KCNH8: variants seen among roughly 807,000 people sequenced by gnomAD.
KCNH8 encodes the protein potassium voltage-gated channel subfamily H member 8.
KCNH8 carries 70 observed loss-of-function variants against 103.6 expected under a neutral mutation model. The observed-to-expected ratio is 0.68, with a 90% CI of 0.56 to 0.82. The LOEUF (loss-of-function observed/expected upper bound fraction) is 0.82, where lower values mean the gene tolerates loss of function less well. Among genes scored for constraint, KCNH8 ranks in the 40% least tolerant of loss-of-function variants. The probability of loss-of-function intolerance (pLI) is 0.00; values close to 1 mark genes in which losing one functional copy is unlikely to be tolerated. For synonymous variants in KCNH8, 498 were observed against 489.4 expected, an observed-to-expected ratio of 1.02 and a Z score of -0.23; for missense variants, 1,217 against 1,329.9, an observed-to-expected ratio of 0.92 and a Z score of 1.32.
chr3:19,352,861 G>C (rs1248855317), intron 5 of KCNH8, among the ~76,000 whole-genome samples: 6 of 152,088 alleles, frequency 3.9e-5, no homozygotes, highest in Non-Finnish European at 8.8e-5. Context: ...AAAGCTAGCA[G>C]ATGGCAAGAA....
chr3:19,339,467 G>A (rs2065629047), intron 3 of KCNH8, among the ~76,000 whole-genome samples: 1 of 152,058 alleles, frequency 6.6e-6, no homozygotes, highest in South Asian at 2.1e-4. Flanking sequence ...TGCTGGAGTA[G>A]TAATTACATT....
chr3:19,499,543 A>C (rs1324230428), intron 11 of KCNH8, among the ~76,000 whole-genome samples: 1 of 152,240 alleles, frequency 6.6e-6, no homozygotes, highest in Non-Finnish European at 1.5e-5. Context: ...CCAGACAGAA[A>C]GGTCGGGTTA....
chr3:19,159,185 A>C (rs1261907543), intron 1 of KCNH8, among the ~76,000 whole-genome samples: 1 of 151,846 alleles, frequency 6.6e-6, no homozygotes, highest in Non-Finnish European at 1.5e-5. Flanking sequence ...TAATGAATTC[A>C]ACAGATTTTA....
Position 19,494,251 on chromosome 3 carries a change from C to A in KCNH8, c.2041-16112C>A, listed in dbSNP as rs142527391. ...TTATCCAGTGATAGGTATCCCCACACAAATCTCGTCTTGTAGCTCCCATAA... is the reference window on the plus strand; with the variant it reads ...TTATCCAGTGATAGGTATCCCCACAAAAATCTCGTCTTGTAGCTCCCATAA... On this transcript the variant is annotated intron_variant, in intron 11 of 15. Coordinates refer to ENST00000328405, the MANE Select transcript of KCNH8 (RefSeq NM_144633.3). Among the ~76,000 whole-genome samples the A allele has an allele frequency of 4.9e-4, 75 of 152,322 alleles. No individual in the cohort carries two copies. The East Asian group carries it at 0.014, about 28-fold the overall frequency.
chr3:19,522,138 C>T (rs1415714155), intron 15 of KCNH8, among the ~76,000 whole-genome samples: 1 of 151,582 alleles, frequency 6.6e-6, no homozygotes. Context: ...CTTAAACATA[C>T]TATGGAGAAT....
At position 19,358,853 on chromosome 3, in the gene KCNH8, A is replaced by T. The variant is rs186554026; in HGVS notation, c.811+10888A>T. On this transcript the variant is annotated intron_variant, in intron 5 of 15. Coordinates refer to ENST00000328405, the MANE Select transcript of KCNH8 (RefSeq NM_144633.3). ...TTAGTTGTGTGTATTAAAATTTTTA[A>T]AGGAACTGTGCAAAAATAAAACAAA... Among the ~76,000 whole-genome samples the T allele has an allele frequency of 5.7e-4, 86 of 151,990 alleles. No homozygotes were observed. The East Asian group carries it at 0.016, about 28-fold the overall frequency.
intron 7 of KCNH8, among the ~76,000 whole-genome samples, chr3:19,427,926 G>A (rs906353842): frequency 1.3e-5 from 2 of 152,072 alleles, no homozygotes; most frequent in African/African-American, 2.4e-5. Flanking sequence ...AATCTACTGG[G>A]GTAGCTATTT....
intron 2 of KCNH8, among the ~76,000 whole-genome samples, chr3:19,261,111 A>G (rs2064429488): frequency 6.6e-6 from 1 of 151,156 alleles, no homozygotes; most frequent in South Asian, 2.1e-4. Flanking sequence ...TTTAATATAT[A>G]CTCAGAAGAC....
intron 14 of KCNH8, among the ~76,000 whole-genome samples, 193 bp from the exon 15 acceptor site, chr3:19,517,805 C>T (rs1422539488): frequency 2.0e-5 from 3 of 151,884 alleles, no homozygotes; most frequent in African/African-American, 7.3e-5. Flanking sequence ...TGATGTGTGT[C>T]CAGAGAGTAT....
chr3:19,364,878 A>G (rs1262598358), intron 5 of KCNH8, among the ~76,000 whole-genome samples: 2 of 152,168 alleles, frequency 1.3e-5, no homozygotes, highest in Admixed American at 6.6e-5. Flanking sequence ...GGGAAGATGA[A>G]ACGCTATCAT....
intron 5 of KCNH8, among the ~76,000 whole-genome samples, chr3:19,381,637 A>C (rs1339208169): frequency 6.6e-6 from 1 of 152,128 alleles, no homozygotes; most frequent in Non-Finnish European, 1.5e-5. Flanking sequence ...TTTGTGCTGA[A>C]TGTTATTAAT....
intron 1 of KCNH8, among the ~76,000 whole-genome samples, chr3:19,217,996 T>G (rs1402242132): frequency 6.6e-6 from 1 of 152,158 alleles, no homozygotes; most frequent in Admixed American, 6.5e-5. Context: ...TCACATAAAC[T>G]AGGAGCCATG....
At chr3:19,318,606 G>T (rs2065306019) in intron 3 of KCNH8, among the ~76,000 whole-genome samples, 1 of 149,794 alleles carries the variant, frequency 6.7e-6, no homozygotes, top group African/African-American at 2.4e-5. Flanking sequence ...CCATTATTTT[G>T]TTCCTTTTTA....
intron 1 of KCNH8, among the ~76,000 whole-genome samples, chr3:19,252,804 A>C (rs1197407691): frequency 6.6e-6 from 1 of 152,150 alleles, no homozygotes; most frequent in Non-Finnish European, 1.5e-5. Context: ...GAAGTAAATA[A>C]CATTATTATT....
chr3:19,230,725 T>C (rs2063984841), intron 1 of KCNH8, among the ~76,000 whole-genome samples: 1 of 151,738 alleles, frequency 6.6e-6, no homozygotes, highest in African/African-American at 2.4e-5. Context: ...TGGTTTGCAC[T>C]TAAAAAACTT....
At chr3:19,329,919 CT>C (rs367938605) in intron 3 of KCNH8, among the ~76,000 whole-genome samples, 89 of 144,508 alleles carry the variant, frequency 6.2e-4, no homozygotes, top group Middle Eastern at 7.1e-3. Context: ...TGGCTTTTAG[CT>C]TTTTTTTTTT....
chr3:19,390,403 T>C, intron 5 of KCNH8, 78 bp from the exon 6 acceptor site: 1 of 1,091,880 alleles, frequency 9.2e-7, no homozygotes, highest in Non-Finnish European at 1.3e-6. Flanking sequence ...CTTTCTTCTT[T>C]CTTTCATTGT....
chr3:19,401,982 T>A (rs2125139571), intron 7 of KCNH8, among the ~76,000 whole-genome samples: 1 of 152,068 alleles, frequency 6.6e-6, no homozygotes, highest in East Asian at 1.9e-4. Flanking sequence ...ATATACTCAG[T>A]ATCTTTGCAC....
intron 2 of KCNH8, among the ~76,000 whole-genome samples, chr3:19,254,627 G>A (rs2064324208): frequency 6.6e-6 from 1 of 152,026 alleles, no homozygotes; most frequent in South Asian, 2.1e-4. Context: ...GGTACTTAGG[G>A]TAAATTTAAG....
Sources: allele counts gnomAD v4.1 joint callset (sites outside exome capture counted in the v4.1 genomes callset), GRCh38; gene constraint gnomAD v4.1.1; transcripts MANE v1.5; gene names NCBI Gene and HGNC (gene_info 2026-07-23, HGNC 2026-07-21).